Variants in USP24 observed in about 807,000 individuals in gnomAD.
USP24 encodes ubiquitin carboxyl-terminal hydrolase 24.
A neutral mutation model predicts 361.6 loss-of-function variants in USP24; 97 were observed. The ratio of observed to expected loss-of-function variants is 0.27; its 90% CI spans 0.23 to 0.32. The LOEUF (loss-of-function observed/expected upper bound fraction) is 0.32, where lower values mean the gene tolerates loss of function less well. Ranked by LOEUF, USP24 falls within the 10% of genes least tolerant of loss-of-function variation. The probability of loss-of-function intolerance (pLI) is 1.00; values close to 1 mark genes in which losing one functional copy is unlikely to be tolerated. For synonymous variants in USP24, 1,098 were observed against 1,124.6 expected (o/e 0.98, Z 0.47); for missense variants, 2,353 against 3,165.6 (o/e 0.74, Z 6.16).
At chr1:55,188,037 T>G (rs1352809852) in intron 1 of USP24, among the ~76,000 whole-genome samples, 3 of 152,240 alleles carry the variant, frequency 2.0e-5, no homozygotes, top group African/African-American at 4.8e-5. Flanking sequence ...AATCTGGTAC[T>G]GGCATAATGA....
At chr1:55,098,308 C>G (rs533916149) in intron 46 of USP24, among the ~76,000 whole-genome samples, 168 bp downstream of exon 46, 21 of 152,174 alleles carry the variant, frequency 1.4e-4, no homozygotes, top group Non-Finnish European at 2.9e-4. Flanking sequence ...GAAATTTTTT[C>G]TCCTTCTGGA....
intron 45 of USP24, 74 bp downstream of exon 45, chr1:55,099,697 C>T (rs1252789344): frequency 1.9e-6 from 2 of 1,077,200 alleles, no homozygotes; most frequent in Non-Finnish European, 1.4e-6. Flanking sequence ...ATAGTAACCC[C>T]AAATGCTAAG....
chr1:55,215,053 CG>C lies in USP24; in HGVS notation c.60del (p.Ala21ProfsTer116). On this transcript the variant is annotated frameshift_variant, in exon 1 of 68. Transcript: ENST00000294383. LOFTEE classifies it high-confidence loss of function. ...AGGCGCAGGGCCTTGCGGATGGTGG[CG>C]GGGTCTGAGAAGCCCATGCACAGCA... ...TTLLCMGFSDPATIRKALRLA... is the reference protein window; with the variant it reads ...TTLLCMGFSDXATIRKALRLA... The C allele has an allele frequency of 1.4e-6, 2 of 1,464,110 alleles. No individual in the cohort carries two copies. Among genetic ancestry groups the C allele is most frequent in the African/African-American group, 1.4e-5 (1 of 69,244 alleles). The allele number at this position is 1,464,110 out of a possible 1,614,324, so 90.7% of individuals were successfully genotyped here. A position where few individuals can be genotyped will look rare whatever the true frequency, so the allele number is the denominator to read the frequency against.
rs1645144624 is a variant in USP24, at chr1:55,081,339, G to A, written c.7061C>T (p.Ser2354Leu). The A allele has an allele frequency of 1.2e-6, 2 of 1,613,590 alleles. No individual in the cohort carries two copies. The highest frequency in any genetic ancestry group is 1.7e-6 in the Non-Finnish European group (2 of 1,179,606). Reference protein sequence around the residue: ...VALLVLHSDVSSQRNVAPGIF... With the variant: ...VALLVLHSDVLSQRNVAPGIF... Reference sequence around the variant, plus strand: ...AAGCTTACCAACATTCCTTTGGGATGAGACATCTGAATGCAAAACAAGTAA... The same window carrying A: ...AAGCTTACCAACATTCCTTTGGGATAAGACATCTGAATGCAAAACAAGTAA... The change falls in exon 59 of 68, where the codon TCA (serine) becomes TTA (leucine). Residue 2354 changes from serine to leucine, a missense_variant. Physicochemically the swap from Ser to Leu is moderately radical, Grantham distance 145. Coordinates refer to ENST00000294383, the MANE Select transcript of USP24 (RefSeq NM_015306.3).
intron 34 of USP24, 145 bp from the exon 35 acceptor site, chr1:55,124,773 C>G: frequency 1.2e-6 from 1 of 821,956 alleles, no homozygotes; most frequent in East Asian, 2.7e-5. Context: ...AGCTGCCATC[C>G]TGCTCAAGGG....
chr1:55,123,405 T>C (rs779549056), intron 36 of USP24, 42 bp downstream of exon 36: 5 of 1,471,644 alleles, frequency 3.4e-6, no homozygotes, highest in Non-Finnish European at 4.5e-6. Flanking sequence ...AAACTTGGCC[T>C]TTCCCTGAAA....
chr1:55,124,369 G>A, intron 35 of USP24, 100 bp downstream of exon 35: 5 of 1,386,200 alleles, frequency 3.6e-6, no homozygotes, highest in Non-Finnish European at 4.9e-6. Flanking sequence ...AGCAAGAGAA[G>A]AGGGTCTCCC....
Position 55,169,263 on chromosome 1 carries a change from G to T in USP24, c.825+2293C>A, listed in dbSNP as rs190563574. On this transcript the variant is annotated intron_variant, in intron 5 of 67. Transcript: ENST00000294383. ...TGTACTACTATAGATCTGGAAAAAA[G>T]TTATCACAATTGCAACACAAGGAGA... 3.3e-5 allele frequency among the ~76,000 whole-genome samples: 5 copies of T among 152,138 alleles called. No individual in the cohort carries two copies. The East Asian group carries it at 9.7e-4, about 29-fold the overall frequency.
At chr1:55,198,414 A>G (rs1179756010) in intron 1 of USP24, among the ~76,000 whole-genome samples, 1 of 152,250 alleles carries the variant, frequency 6.6e-6, no homozygotes, top group African/African-American at 2.4e-5. Context: ...TTTTGTGTGT[A>G]GAAAGAACAC....
At chr1:55,207,836 T>C (rs1393175057) in intron 1 of USP24, among the ~76,000 whole-genome samples, 1 of 152,242 alleles carries the variant, frequency 6.6e-6, no homozygotes, top group Non-Finnish European at 1.5e-5. Context: ...CAAATGAATT[T>C]TGCAATACAA....
chr1:55,132,204 T>C (rs1646613558), intron 31 of USP24, among the ~76,000 whole-genome samples: 1 of 152,142 alleles, frequency 6.6e-6, no homozygotes, highest in Admixed American at 6.5e-5. Flanking sequence ...GTGCCATCTA[T>C]GAACCAGGAG....
In USP24 at chr1:55,178,773, C is replaced by T. The variant is rs182232079; in HGVS notation, c.325-641G>A. ...GGACATGGTGGCTCATGCCTGTAAC[C>T]CTAGCACTTTGGGAGGCTGAGGTGG... On this transcript the variant is annotated intron_variant, in intron 1 of 67. Transcript: ENST00000294383. 5.5e-4 allele frequency among the ~76,000 whole-genome samples: 84 copies of T among 151,944 alleles called. 2 individuals carry two copies. In the Middle Eastern group the frequency reaches 0.02, roughly 37 times the overall value.
chr1:55,166,586 A>G lies in USP24; in HGVS notation c.843T>C (p.Val281=), dbSNP rs757226427. Residue 281 remains valine, a synonymous_variant, in exon 6 of 68, where the codon GTT becomes GTC. Transcript: ENST00000294383. ...STFQKEPHGW[V]VDLVNKFGEL... ...CATATACCTTATTTACCAAATCCAC[A>G]ACCCATCCATGAGGCTCCTATGAGA... The G allele has an allele frequency of 6.3e-7, 1 of 1,595,012 alleles. No homozygotes were observed. Among genetic ancestry groups the G allele is most frequent in the South Asian group, 1.1e-5 (1 of 87,218 alleles).
Position 55,145,691 on chromosome 1 carries a change from T to C in USP24, c.2362+307A>G, listed in dbSNP as rs963869467. Among the ~76,000 whole-genome samples the C allele has an allele frequency of 5.9e-5, 9 of 152,198 alleles. 1 individual carries two copies. Among genetic ancestry groups the C allele is most frequent in the African/African-American group, 9.6e-5 (4 of 41,466 alleles). On this transcript the variant is annotated intron_variant, in intron 20 of 67. Coordinates refer to ENST00000294383, the MANE Select transcript of USP24 (RefSeq NM_015306.3). The stretch of plus-strand genomic sequence containing the variant: ...TTTAAAAATTCAATGAAAAGAAACA[T>C]CTGAAAGGAGGATTTCTATACCTTG...
At chr1:55,100,694 C>A in intron 44 of USP24, 145 bp downstream of exon 44, 1 of 849,656 alleles carries the variant, frequency 1.2e-6, no homozygotes, top group South Asian at 3.5e-5. Context: ...GTACCAATTT[C>A]AACAATGGTA....
chr1:55,185,308 A>G (rs1375959015), intron 1 of USP24, among the ~76,000 whole-genome samples: 1 of 151,990 alleles, frequency 6.6e-6, no homozygotes, highest in Non-Finnish European at 1.5e-5. Context: ...GAAAGATTTC[A>G]AATCAACAAC....
At position 55,215,334 on chromosome 1, in the gene USP24, C is replaced by G. The variant is rs1644964149; in HGVS notation, c.-221G>C. ...CGCTCAGGCGCGGCTGCGGCCCGGC[C>G]CAGCCCTGCGCGCCGCCATGTTGGC... On this transcript the variant is annotated 5_prime_UTR_variant, in exon 1 of 68. Transcript: ENST00000294383. Among the ~76,000 whole-genome samples the G allele has an allele frequency of 1.3e-5, 2 of 151,820 alleles. No individual in the cohort carries two copies. Among genetic ancestry groups the G allele is most frequent in the South Asian group, 4.1e-4 (2 of 4,828 alleles).
In USP24 at chr1:55,215,052, G is replaced by A; in HGVS notation, c.62C>T (p.Ala21Val). 1 of 1,466,238 alleles carries A rather than the reference G, an allele frequency of 6.8e-7. No homozygotes were observed. Among genetic ancestry groups the A allele is most frequent in the Non-Finnish European group, 9.0e-7 (1 of 1,106,192 alleles). 90.8% of individuals were successfully genotyped at this position (1,466,238 alleles called of 1,614,324 possible). ...TLLCMGFSDP[A>V]TIRKALRLAK... Reference sequence around the variant, plus strand: ...CAGGCGCAGGGCCTTGCGGATGGTGGCGGGGTCTGAGAAGCCCATGCACAG... The same window carrying A: ...CAGGCGCAGGGCCTTGCGGATGGTGACGGGGTCTGAGAAGCCCATGCACAG... Residue 21 changes from alanine to valine, a missense_variant, in exon 1 of 68, where the codon GCC becomes GTC. Physicochemically the swap from Ala to Val is moderately conservative, Grantham distance 64. Around this residue, in one of 8 missense-constraint regions of USP24, gnomAD observed 253 missense variants for 255.3 expected, o/e 0.99. Coordinates refer to ENST00000294383, the MANE Select transcript of USP24 (RefSeq NM_015306.3).
At position 55,075,400 on chromosome 1, in the gene USP24, A is replaced by AC. The variant is rs1470765449; in HGVS notation, c.7447+56_7447+57insG. 5.3e-6 allele frequency: 8 copies of AC among 1,497,622 alleles called. No homozygotes were observed. In the African/African-American group the frequency reaches 1.1e-4, roughly 21 times the overall value. The allele number at this position is 1,497,622 out of a possible 1,614,324, so 92.8% of individuals were successfully genotyped here. ...AGCAGGAGGCAGAACTGGCCAGAAC[A>AC]ATAGATTATCCACATATTTACTATA... On this transcript the variant is annotated intron_variant, in intron 63 of 67. Transcript: ENST00000294383.
Sources: gnomAD v4.1 joint callset for allele counts (sites outside exome capture counted in the v4.1 genomes callset) on GRCh38, gnomAD v4.1.1 for gene constraint, gnomAD v4.1.1 regional missense constraint, MANE v1.5 for transcripts, NCBI Gene and HGNC (gene_info 2026-07-23, HGNC 2026-07-21) for gene names.